The following ESPN variants were observed in gnomAD, a reference collection of about 807,000 sequenced individuals.
ESPN encodes autosomal recessive deafness type 36 protein.
ESPN carries 68 observed loss-of-function variants against 77.7 expected under a neutral mutation model. The ratio of observed to expected loss-of-function variants is 0.87; its 90% CI spans 0.72 to 1.07. ESPN has a LOEUF of 1.07. Among genes scored for constraint, ESPN ranks in the 50% least tolerant of loss-of-function variants. ESPN has a pLI of 0.00. For synonymous variants in ESPN, 449 were observed against 567.1 expected, an observed-to-expected ratio of 0.79 and a Z score of 2.96; for missense variants, 1,060 against 1,239.0, an observed-to-expected ratio of 0.86 and a Z score of 2.17.
At chr1:6,459,945 C>T (rs1457046826) in intron 12 of ESPN, 54 bp from the exon 13 acceptor site, 1 of 1,609,884 alleles carries the variant, frequency 6.2e-7, no homozygotes, top group Non-Finnish European at 8.5e-7. Context: ...TTCTGCCAGC[C>T]TGGGTATCTG....
Position 6,455,364 on chromosome 1 carries a change from C to G in ESPN, c.2326-1820C>G, listed in dbSNP as rs1489394972. 6 of 384,962 alleles carry G rather than the reference C, an allele frequency of 1.6e-5. 1 individual carries two copies. Among genetic ancestry groups the G allele is most frequent in the Non-Finnish European group, 2.3e-5 (5 of 217,306 alleles). The allele number at this position is 384,962 out of a possible 1,614,324, so 23.8% of individuals were successfully genotyped here. ...CGCCCAGGCGCGCCTACGCGGACTG[C>G]TGCCCCGCGTGGCGGCTGCCGGTGC... On this transcript the variant is annotated intron_variant, in intron 10 of 12. Coordinates refer to ENST00000645284, the MANE Select transcript of ESPN (RefSeq NM_031475.3).
intron 10 of ESPN, among the ~76,000 whole-genome samples, chr1:6,454,281 C>G (rs1052685373): frequency 2.6e-5 from 4 of 152,134 alleles, no homozygotes; most frequent in African/African-American, 9.6e-5. Context: ...CCCAGCGTCA[C>G]CCCCCGCCGG....
rs1234372056 is a variant in ESPN, at chr1:6,460,084, A to T, written c.2503A>T (p.Ser835Cys). ...EKLRTLGYDE[S>C]KLAPWQRQVI... ...GCTGCGGACGCTGGGCTACGATGAG[A>T]GCAAGCTGGCGCCCTGGCAGCGACA... Residue 835 changes from serine to cysteine, a missense_variant, in exon 13 of 13, where the codon AGC becomes TGC. Physicochemically the swap from Ser to Cys is moderately radical, Grantham distance 112. This residue lies in a region of ESPN where 374 missense variants were observed against 381.4 expected (regional missense o/e 0.98). Coordinates refer to ENST00000645284, the MANE Select transcript of ESPN (RefSeq NM_031475.3). 1.9e-6 allele frequency: 3 copies of T among 1,613,334 alleles called. No homozygotes were observed. The highest frequency in any genetic ancestry group is 2.5e-6 in the Non-Finnish European group (3 of 1,180,034).
intron 5 of ESPN, among the ~76,000 whole-genome samples, chr1:6,444,032 C>T (rs1643738258): frequency 6.6e-6 from 1 of 152,226 alleles, no homozygotes; most frequent in African/African-American, 2.4e-5. Context: ...AGGAGACAGG[C>T]CGGGCTGGTG....
At chr1:6,446,090 A>T (rs1643827727) in intron 7 of ESPN, among the ~76,000 whole-genome samples, 155 bp downstream of exon 7, 2 of 152,068 alleles carry the variant, frequency 1.3e-5, no homozygotes, top group African/African-American at 4.8e-5. Flanking sequence ...GAGTCCCACA[A>T]GGGGTCAGGG....
At chr1:6,456,233 C>T (rs944966593) in intron 10 of ESPN, 8 of 395,104 alleles carry the variant, frequency 2.0e-5, no homozygotes, top group African/African-American at 1.7e-4. Flanking sequence ...CACCCTCGAG[C>T]GTCTTAACGT....
At chr1:6,454,706 C>T (rs1054711487) in intron 10 of ESPN, 1 of 398,458 alleles carries the variant, frequency 2.5e-6, no homozygotes, top group African/African-American at 2.1e-5. Flanking sequence ...TGCATGGCCG[C>T]GCCGCCAGCC....
rs987723942 is a variant in ESPN, at chr1:6,450,566, A to C, written c.1916-1037A>C. 6.6e-6 allele frequency: 4 copies of C among 608,466 alleles called. No individual in the cohort carries two copies. Among genetic ancestry groups the C allele is most frequent in the Non-Finnish European group, 8.2e-6 (4 of 485,362 alleles). The allele number at this position is 608,466 out of a possible 1,614,324, so 37.7% of individuals were successfully genotyped here. ...AGGCAGAAGGGGCCCAGACTTGAGG[A>C]AAGGGCAGGGGCAGGGGCTGGCAGG... On this transcript the variant is annotated intron_variant, in intron 8 of 12. Coordinates refer to ENST00000645284, the MANE Select transcript of ESPN (RefSeq NM_031475.3). This position sits in a 1 kb window ranked among gnomAD's most constrained non-coding sequence, Gnocchi z 4.3.
At chr1:6,446,554 G>T (rs1643847489) in intron 7 of ESPN, among the ~76,000 whole-genome samples, 1 of 152,180 alleles carries the variant, frequency 6.6e-6, no homozygotes, top group Non-Finnish European at 1.5e-5. Flanking sequence ...GGCCAGGGTG[G>T]GCAGGTGGAG....
At chr1:6,431,628 C>CAAAAAA (rs760363517) in intron 2 of ESPN, among the ~76,000 whole-genome samples, 7 of 61,772 alleles carry the variant, frequency 1.1e-4, no homozygotes, top group South Asian at 1.2e-3. Context: ...AAGATTCTGT[C>CAAAAAA]AAAAAAAAAA....
chr1:6,434,339 C>T (rs2103673), intron 2 of ESPN, among the ~76,000 whole-genome samples: 35,151 of 152,154 alleles, frequency 0.23, 5,862 homozygotes, highest in African/African-American at 0.47. Flanking sequence ...CCAGCCAGGC[C>T]CTTCATCACA....
chr1:6,461,292 A>AG (rs1316921690), downstream of ESPN: 2 of 1,054,940 alleles, frequency 1.9e-6, no homozygotes, highest in Admixed American at 2.0e-5. This position sits in a 1 kb window ranked among gnomAD's most constrained non-coding sequence, Gnocchi z 6.3. Context: ...AGGGGCGAGC[A>AG]GGGGTGGGGC....
intron 7 of ESPN, among the ~76,000 whole-genome samples, chr1:6,446,528 T>C (rs1643846567): frequency 6.6e-6 from 1 of 151,952 alleles, no homozygotes; most frequent in South Asian, 2.1e-4. Flanking sequence ...GAAGCGAGCC[T>C]GTGTGGAGAG....
chr1:6,432,172 G>A (rs1420661494), intron 2 of ESPN, among the ~76,000 whole-genome samples: 1 of 152,210 alleles, frequency 6.6e-6, no homozygotes, highest in Admixed American at 6.5e-5. Context: ...GACAGAAAGG[G>A]AGTTTCTTGG....
chr1:6,445,499 G>A, intron 6 of ESPN, 165 bp from the exon 7 acceptor site: 1 of 764,072 alleles, frequency 1.3e-6, no homozygotes. Context: ...GTAGGGCCAG[G>A]GAGGGGAAGC....
Position 6,445,853 on chromosome 1 carries a change from C to T in ESPN, c.1382C>T (p.Pro461Leu). ...PPPGYPAPKP[P>L]VGPQAADIYM... is the part of the protein sequence containing the mutation. ...CCTGGCTACCCAGCTCCCAAGCCTC[C>T]TGTAGGACCACAGGCAGCTGACATC... Residue 461 changes from proline (P) to leucine (L), a missense_variant, in exon 7 of 13, where the codon CCT (proline) becomes CTT (leucine). Around this residue, in one of 3 missense-constraint regions of ESPN, gnomAD observed 130 missense variants for 223.9 expected, o/e 0.58. Coordinates refer to ENST00000645284, the MANE Select transcript of ESPN (RefSeq NM_031475.3). 3 of 1,610,978 alleles carry T rather than the reference C, an allele frequency of 1.9e-6. No individual in the cohort carries two copies. Among genetic ancestry groups the T allele is most frequent in the Non-Finnish European group, 2.5e-6 (3 of 1,179,112 alleles).
Position 6,442,750 on chromosome 1 carries a change from C to T in ESPN, c.990+1685C>T, listed in dbSNP as rs180733306. ...GGGCATGGTGGTGGGTGCCTGTTGT[C>T]CCAGCTACTTGGGAGGCTGAGGCAG... On this transcript the variant is annotated intron_variant, in intron 5 of 12. Transcript: ENST00000645284. Among the ~76,000 whole-genome samples the T allele has an allele frequency of 1.9e-4, 27 of 145,782 alleles. No homozygotes were observed. In the East Asian group the frequency reaches 4.9e-3, roughly 26 times the overall value.
intron 12 of ESPN, among the ~76,000 whole-genome samples, chr1:6,459,548 A>G (rs1033636362): frequency 6.6e-6 from 1 of 152,116 alleles, no homozygotes; most frequent in East Asian, 1.9e-4. Flanking sequence ...TCTACCCTCT[A>G]TGTTCTAATA....
chr1:6,442,545 G>A (rs1643675122), intron 5 of ESPN, among the ~76,000 whole-genome samples: 1 of 147,738 alleles, frequency 6.8e-6, no homozygotes, highest in African/African-American at 2.5e-5. Flanking sequence ...CTGCACTCCA[G>A]CCTGGTGACA....
Sources: allele counts gnomAD v4.1 joint callset (sites outside exome capture counted in the v4.1 genomes callset), GRCh38; gene constraint gnomAD v4.1.1; regional missense constraint gnomAD v4.1.1; non-coding constraint Gnocchi (gnomAD v3.1); transcripts MANE v1.5; gene names NCBI Gene and HGNC (gene_info 2026-07-23, HGNC 2026-07-21).